Variants in FCF1 observed in about 807,000 individuals in gnomAD.
FCF1 encodes the protein FCF1 rRNA-processing protein.
A neutral mutation model predicts 32.5 loss-of-function variants in FCF1; 17 were observed. The observed-to-expected ratio is 0.52, with a 90% CI of 0.36 to 0.78. FCF1 has a LOEUF of 0.78. Among genes scored for constraint, FCF1 ranks in the 30% least tolerant of loss-of-function variants. The pLI is 0.00. For missense variants in FCF1, 201 were observed against 241.1 expected, an observed-to-expected ratio of 0.83 and a Z score of 1.10; for synonymous variants, 84 against 78.4, an observed-to-expected ratio of 1.07 and a Z score of -0.38.
intron 6 of FCF1, 65 bp downstream of exon 6, chr14:74,732,883 G>A: frequency 1.1e-6 from 1 of 939,092 alleles, no homozygotes. Flanking sequence ...ATTATCTCCT[G>A]AATGTTCATG....
intron 4 of FCF1, among the ~76,000 whole-genome samples, chr14:74,722,073 A>ATTTTTTTTT (rs2090511803): frequency 9.7e-6 from 1 of 102,922 alleles, no homozygotes; most frequent in Non-Finnish European, 1.9e-5. Flanking sequence ...TTTGAGATGG[A>ATTTTTTTTT]GTTTCACTCT....
chr14:74,723,035 A>C (rs1170778865), intron 4 of FCF1, among the ~76,000 whole-genome samples: 2 of 152,152 alleles, frequency 1.3e-5, no homozygotes, highest in Non-Finnish European at 2.9e-5. Context: ...GACAGAGTTC[A>C]GCTTAGTTTT....
intron 4 of FCF1, among the ~76,000 whole-genome samples, chr14:74,716,762 T>C (rs1422609783): frequency 6.6e-6 from 1 of 152,236 alleles, no homozygotes; most frequent in Admixed American, 6.5e-5. Context: ...AGCGGGTTTA[T>C]ATTTATATAT....
chr14:74,719,721 T>A (rs1246747521), intron 4 of FCF1, among the ~76,000 whole-genome samples: 1 of 152,096 alleles, frequency 6.6e-6, no homozygotes, highest in African/African-American at 2.4e-5. Context: ...GCTATGTCCA[T>A]GTCACTGCCC....
intron 4 of FCF1, among the ~76,000 whole-genome samples, chr14:74,718,237 T>C (rs1053180942): frequency 6.6e-6 from 1 of 152,208 alleles, no homozygotes; most frequent in Non-Finnish European, 1.5e-5. Flanking sequence ...GATCTTTACA[T>C]GGTTCCTGGT....
At chr14:74,720,848 A>G (rs1368381204) in intron 4 of FCF1, among the ~76,000 whole-genome samples, 1 of 148,766 alleles carries the variant, frequency 6.7e-6, no homozygotes, top group Admixed American at 6.7e-5. Flanking sequence ...GAAACAAGGT[A>G]TCAATCATGT....
chr14:74,713,154 T>C lies in FCF1; in HGVS notation c.-44T>C. 1 of 1,614,074 alleles carries C rather than the reference T, an allele frequency of 6.2e-7. No homozygotes were observed. Among genetic ancestry groups the C allele is most frequent in the Non-Finnish European group, 8.5e-7 (1 of 1,180,014 alleles). On this transcript the variant is annotated 5_prime_UTR_variant, in exon 1 of 8. Transcript: ENST00000341162. ...CAGTATGTGAATGACGTAGAAGTAT[T>C]GCGCCGTTGGTGATTACGGAAGAAC...
chr14:74,728,130 A>C (rs1178293665), intron 5 of FCF1, among the ~76,000 whole-genome samples: 2 of 152,138 alleles, frequency 1.3e-5, no homozygotes, highest in African/African-American at 2.4e-5. Context: ...GTTTTTTCCA[A>C]TTATGTGAAG....
In FCF1 at chr14:74,737,875, C is replaced by G. The variant is rs1475986882; in HGVS notation, c.*2945C>G. 1 of 151,882 alleles carries G rather than the reference C, an allele frequency of 6.6e-6. No homozygotes were observed. The highest frequency in any genetic ancestry group is 1.9e-4 in the East Asian group (1 of 5,166). 9.4% of individuals were successfully genotyped at this position (151,882 alleles called of 1,614,324 possible). On this transcript the variant is annotated 3_prime_UTR_variant, in exon 8 of 8. Coordinates refer to ENST00000341162, the MANE Select transcript of FCF1 (RefSeq NM_015962.5). The stretch of plus-strand genomic sequence containing the variant: ...TGGTGGCAAATGCCTGTATTCCCAG[C>G]TACTCTGGAGGCTGAGGCAGGAGAA...
In FCF1 at chr14:74,734,919, C is replaced by A; in HGVS notation, c.586C>A (p.Pro196Thr). The A allele has an allele frequency of 6.2e-7, 1 of 1,613,656 alleles. No individual in the cohort carries two copies. The highest frequency in any genetic ancestry group is 8.5e-7 in the Non-Finnish European group (1 of 1,179,734). ...ACGGATGCCAGATGATTATGGAGCC[C>A]CTCGATTCTAATTCTTACAAGACAC... ...IERMPDDYGA[P>T]RF Residue 196 changes from proline (P) to threonine (T), a missense_variant, in exon 8 of 8, where the codon CCT becomes ACT. Pro to Thr is a conservative substitution (Grantham distance 38, BLOSUM62 -1). Transcript: ENST00000341162.
intron 6 of FCF1, among the ~76,000 whole-genome samples, chr14:74,733,114 T>C (rs1175358102): frequency 3.9e-5 from 6 of 152,182 alleles, no homozygotes; most frequent in Non-Finnish European, 5.9e-5. Flanking sequence ...TTTAACTGAT[T>C]CTTTATCTCA....
rs1027592695 is a variant in FCF1 at position 74,737,910 on chromosome 14, C to T, written c.*2980C>T. ...GGCTGAGGCAGGAGAACGCTTGAAC[C>T]TGGGAGATGGAGGTTGTGATGAGCC... On this transcript the variant is annotated 3_prime_UTR_variant, in exon 8 of 8. Transcript: ENST00000341162. 1 of 151,056 alleles carries T rather than the reference C, an allele frequency of 6.6e-6. No individual in the cohort carries two copies. The highest frequency in any genetic ancestry group is 2.4e-5 in the African/African-American group (1 of 41,010). 9.4% of individuals were successfully genotyped at this position (151,056 alleles called of 1,614,324 possible). A position where few individuals can be genotyped will look rare whatever the true frequency, so the allele number is the denominator to read the frequency against.
intron 5 of FCF1, 101 bp downstream of exon 5, chr14:74,723,445 C>G (rs1349897525): frequency 1.2e-6 from 1 of 849,272 alleles, no homozygotes; most frequent in African/African-American, 1.8e-5. Flanking sequence ...GAAAATCATA[C>G]AAAACTATTT....
At chr14:74,720,029 C>T (rs1450163144) in intron 4 of FCF1, among the ~76,000 whole-genome samples, 4 of 152,116 alleles carry the variant, frequency 2.6e-5, no homozygotes, top group African/African-American at 9.7e-5. Context: ...ATAATTCCAG[C>T]TACTCGGGAG....
intron 5 of FCF1, among the ~76,000 whole-genome samples, chr14:74,731,771 C>T (rs921625342): frequency 6.6e-6 from 1 of 152,110 alleles, no homozygotes; most frequent in South Asian, 2.1e-4. Context: ...ATTGACCTAG[C>T]GCTGAACTAC....
chr14:74,733,783 A>G (rs2090668576), intron 6 of FCF1, among the ~76,000 whole-genome samples: 1 of 152,156 alleles, frequency 6.6e-6, no homozygotes, highest in African/African-American at 2.4e-5. Flanking sequence ...CAAGTGTGAA[A>G]GTCCCTTTCA....
At chr14:74,727,683 A>G (rs2090592010) in intron 5 of FCF1, among the ~76,000 whole-genome samples, 1 of 152,116 alleles carries the variant, frequency 6.6e-6, no homozygotes, top group African/African-American at 2.4e-5. Flanking sequence ...GTCCTTGCCC[A>G]TGCCTATGTC....
In FCF1 at chr14:74,733,991, A is replaced by G. The variant is rs1566722809; in HGVS notation, c.454-85A>G. On this transcript the variant is annotated intron_variant, in intron 6 of 7. Transcript: ENST00000341162. ...TACTGTGAAAATGAACGATTCTCAG[A>G]CTGGTCAGTCGTTGTGCCATTATCC... The G allele has an allele frequency of 4.7e-6, 4 of 858,648 alleles. No homozygotes were observed. In the East Asian group the frequency reaches 9.8e-5, roughly 21 times the overall value. 53.2% of individuals were successfully genotyped at this position (858,648 alleles called of 1,614,324 possible). A position where few individuals can be genotyped will look rare whatever the true frequency, so the allele number is the denominator to read the frequency against.
chr14:74,721,885 G>C (rs1244575102), intron 4 of FCF1, among the ~76,000 whole-genome samples: 1 of 152,016 alleles, frequency 6.6e-6, no homozygotes, highest in East Asian at 1.9e-4. Flanking sequence ...GTCTCCCTAA[G>C]AGTGTATTTC....
Sources: allele counts gnomAD v4.1 joint callset (sites outside exome capture counted in the v4.1 genomes callset), GRCh38; gene constraint gnomAD v4.1.1; transcripts MANE v1.5; gene names NCBI Gene and HGNC (gene_info 2026-07-23, HGNC 2026-07-21).